Variants in LDLRAD3 observed in about 807,000 individuals in gnomAD.
The protein encoded by LDLRAD3 is low-density lipoprotein receptor class A domain-containing protein 3.
In LDLRAD3, 20 loss-of-function variants were observed where a neutral mutation model predicts 29.4. The observed-to-expected ratio is 0.68, with a 90% confidence interval of 0.48 to 0.99. LDLRAD3 has a LOEUF of 0.99. Among genes scored for constraint, LDLRAD3 ranks in the 50% least tolerant of loss-of-function variants. The probability of loss-of-function intolerance (pLI) is 0.00; values close to 1 mark genes in which losing one functional copy is unlikely to be tolerated. For synonymous variants in LDLRAD3, 157 were observed against 192.7 expected, an observed-to-expected ratio of 0.81 and a Z score of 1.53; for missense variants, 420 against 454.3, an observed-to-expected ratio of 0.92 and a Z score of 0.69.
Position 36,005,470 on chromosome 11 carries a change from C to T in LDLRAD3, c.47-30633C>T, listed in dbSNP as rs372280269. Among the ~76,000 whole-genome samples, 10 of 152,310 alleles carry T rather than the reference C, an allele frequency of 6.6e-5. No individual in the cohort carries two copies. In the East Asian group the frequency reaches 1.2e-3, roughly 18 times the overall value. Reference sequence around the variant, plus strand: ...ATCTCCATCTGAGACCACCTCAGCCCGGACTTCATTGTCCATGTCACGATC... The same window carrying T: ...ATCTCCATCTGAGACCACCTCAGCCTGGACTTCATTGTCCATGTCACGATC... On this transcript the variant is annotated intron_variant, in intron 1 of 5. Coordinates refer to ENST00000315571, the MANE Select transcript of LDLRAD3 (RefSeq NM_174902.4).
chr11:36,004,521 C>T (rs912038368), intron 1 of LDLRAD3, among the ~76,000 whole-genome samples: 13 of 152,212 alleles, frequency 8.5e-5, no homozygotes, highest in African/African-American at 3.1e-4. Context: ...CTTTCACAGG[C>T]TGGCATTGAG....
At position 36,042,008 on chromosome 11, in the gene LDLRAD3, C is replaced by G. The variant is rs16928296; in HGVS notation, c.193+5759C>G. Among the ~76,000 whole-genome samples the G allele has an allele frequency of 7.0e-3, 1,059 of 152,222 alleles. 8 individuals carry two copies. Among genetic ancestry groups the G allele is most frequent in the African/African-American group, 0.024 (990 of 41,510 alleles). The stretch of plus-strand genomic sequence containing the variant: ...TGAATTTTACTTGCTTTTACTGTTC[C>G]TGACCGTTTCTTGAACATGTGTTAT... On this transcript the variant is annotated intron_variant, in intron 2 of 5. Transcript: ENST00000315571.
chr11:36,119,436 C>T (rs774122325), intron 4 of LDLRAD3, among the ~76,000 whole-genome samples: 5 of 151,930 alleles, frequency 3.3e-5, no homozygotes, highest in African/African-American at 4.8e-5. Context: ...TCACATTTTA[C>T]ATTCCTACCA....
chr11:36,200,982 G>C (rs182560099), intron 4 of LDLRAD3, among the ~76,000 whole-genome samples: 5 of 152,314 alleles, frequency 3.3e-5, no homozygotes, highest in Non-Finnish European at 7.3e-5. Flanking sequence ...TAAAAGACCT[G>C]ATGGGAACAG....
chr11:36,038,491 T>A (rs1480461400), intron 2 of LDLRAD3, among the ~76,000 whole-genome samples: 1 of 152,222 alleles, frequency 6.6e-6, no homozygotes, highest in Non-Finnish European at 1.5e-5. Flanking sequence ...AACGCAGGAT[T>A]AAGGAGTTGA....
At chr11:35,986,033 C>G (rs1851610921) in intron 1 of LDLRAD3, among the ~76,000 whole-genome samples, 1 of 151,922 alleles carries the variant, frequency 6.6e-6, no homozygotes, top group Admixed American at 6.6e-5. Context: ...TGACGAGAGA[C>G]TTATGTTGAT....
intron 1 of LDLRAD3, among the ~76,000 whole-genome samples, chr11:36,014,137 G>A (rs1348998270): frequency 6.6e-6 from 1 of 152,174 alleles, no homozygotes; most frequent in African/African-American, 2.4e-5. Flanking sequence ...GTTCTTGGAG[G>A]CTGAGCTTTG....
At chr11:36,015,854 AC>A (rs1202564909) in intron 1 of LDLRAD3, among the ~76,000 whole-genome samples, 2 of 151,808 alleles carry the variant, frequency 1.3e-5, no homozygotes, top group Non-Finnish European at 2.9e-5. Context: ...TGGCGACCCG[AC>A]CTCCCACAAG....
intron 4 of LDLRAD3, among the ~76,000 whole-genome samples, chr11:36,168,925 C>T (rs114188368): frequency 9.5e-4 from 144 of 152,288 alleles, no homozygotes; most frequent in African/African-American, 3.3e-3. Context: ...CCACATCATG[C>T]TTTGAGCTGA....
chr11:36,076,847 T>A (rs538110008), intron 2 of LDLRAD3, among the ~76,000 whole-genome samples: 6 of 150,204 alleles, frequency 4.0e-5, no homozygotes, highest in Admixed American at 1.3e-4. Context: ...TATTGTAGAT[T>A]TTTTTTTTCT....
intron 4 of LDLRAD3, among the ~76,000 whole-genome samples, chr11:36,192,499 G>A (rs1854969239): frequency 1.3e-5 from 2 of 152,204 alleles, no homozygotes; most frequent in South Asian, 4.1e-4. Flanking sequence ...TAGAGGAGAA[G>A]GCAGAAGTGC....
intron 1 of LDLRAD3, among the ~76,000 whole-genome samples, chr11:36,024,820 G>A (rs1256473633): frequency 6.6e-6 from 1 of 152,240 alleles, no homozygotes; most frequent in East Asian, 1.9e-4. Context: ...GGGGCGAGGA[G>A]GCAGATGGTG....
intron 2 of LDLRAD3, among the ~76,000 whole-genome samples, chr11:36,058,395 A>G (rs1852652596): frequency 6.6e-6 from 1 of 151,946 alleles, no homozygotes; most frequent in Admixed American, 6.6e-5. Context: ...TATCAACTCC[A>G]TTTGCTTATA....
At chr11:36,136,189 A>G (rs1854001320) in intron 4 of LDLRAD3, among the ~76,000 whole-genome samples, 1 of 152,196 alleles carries the variant, frequency 6.6e-6, no homozygotes, top group African/African-American at 2.4e-5. Context: ...ATGCTGGCCT[A>G]TCTCAGAAGG....
intron 4 of LDLRAD3, among the ~76,000 whole-genome samples, chr11:36,193,152 A>G (rs1218019434): frequency 6.6e-6 from 1 of 152,166 alleles, no homozygotes; most frequent in Non-Finnish European, 1.5e-5. Context: ...CTCATCTGTA[A>G]AATGGGGGTA....
chr11:36,037,120 AGTG>A (rs1159740431), intron 2 of LDLRAD3, among the ~76,000 whole-genome samples: 1 of 152,080 alleles, frequency 6.6e-6, no homozygotes, highest in East Asian at 1.9e-4. Context: ...ATGACTGACA[AGTG>A]GTGGGCACAG....
intron 3 of LDLRAD3, among the ~76,000 whole-genome samples, chr11:36,090,272 G>A (rs979840213): frequency 1.3e-5 from 2 of 152,312 alleles, no homozygotes; most frequent in East Asian, 1.9e-4. Context: ...AGGATGAGGA[G>A]AGGAAGAAGA....
Position 36,098,383 on chromosome 11 carries a change from A to G in LDLRAD3, c.376A>G (p.Ile126Val). The G allele has an allele frequency of 5.6e-6, 9 of 1,614,208 alleles. No homozygotes were observed. The highest frequency in any genetic ancestry group is 7.6e-6 in the Non-Finnish European group (9 of 1,180,020). The change falls in exon 4 of 6, where the codon ATT becomes GTT. Residue 126 changes from isoleucine to valine, a missense_variant. Transcript: ENST00000315571. ...ARYHCKNGLC[I>V]DKSFICDGQN... is the part of the protein sequence containing the mutation. ...CTACCACTGCAAGAACGGCCTCTGT[A>G]TTGACAAGAGCTTCATCTGCGATGG... is the stretch of plus-strand genomic sequence containing the variant.
At chr11:36,171,931 T>C (rs1854604164) in intron 4 of LDLRAD3, among the ~76,000 whole-genome samples, 1 of 152,202 alleles carries the variant, frequency 6.6e-6, no homozygotes, top group Non-Finnish European at 1.5e-5. Flanking sequence ...ATTTTCACAA[T>C]ATTCTACCCA....
Sources: allele counts gnomAD v4.1 joint callset (sites outside exome capture counted in the v4.1 genomes callset), GRCh38; gene constraint gnomAD v4.1.1; transcripts MANE v1.5; gene names NCBI Gene and HGNC (gene_info 2026-07-23, HGNC 2026-07-21).